The following OPA1 variants were observed in gnomAD, a reference collection of about 807,000 sequenced individuals.
OPA1 encodes the protein dynamin-like GTPase OPA1, mitochondrial.
A neutral mutation model predicts 152.9 loss-of-function variants in OPA1; 59 were observed. The observed-to-expected ratio is 0.39, with a 90% confidence interval of 0.31 to 0.48. The LOEUF is 0.48. Ranked by LOEUF, OPA1 falls within the 20% of genes least tolerant of loss-of-function variation. The probability of loss-of-function intolerance (pLI) is 0.96; values close to 1 mark genes in which losing one functional copy is unlikely to be tolerated. For missense variants in OPA1, 1,008 were observed against 1,216.8 expected (o/e 0.83, Z 2.55); for synonymous variants, 400 against 389.9 (o/e 1.03, Z -0.31).
intron 1 of OPA1, among the ~76,000 whole-genome samples, chr3:193,604,088 A>G (rs1726865096): frequency 6.6e-6 from 1 of 152,220 alleles, no homozygotes; most frequent in Non-Finnish European, 1.5e-5. Flanking sequence ...TTCATTTCCT[A>G]AAACCAGATC....
chr3:193,655,023 T>A lies in OPA1; in HGVS notation c.2174T>A (p.Val725Glu). 1 of 1,613,186 alleles carries A rather than the reference T, an allele frequency of 6.2e-7. No individual in the cohort carries two copies. The highest frequency in any genetic ancestry group is 8.5e-7 in the Non-Finnish European group (1 of 1,179,278). Residue 725 changes from valine (V) to glutamate (E), a missense_variant, in exon 22 of 31, where the codon GTA becomes GAA. This residue lies in a region of OPA1 where 229 missense variants were observed against 269.0 expected (regional missense o/e 0.85). Coordinates refer to ENST00000361510, the MANE Select transcript of OPA1 (RefSeq NM_130837.3). ...GATAAACAACTTCCTAATAAAGCAG[T>A]AGAGGTTAGGATATAATTTAATTAA... ...WTDKQLPNKAVEVAWETLQEE... is the reference protein window; with the variant it reads ...WTDKQLPNKAEEVAWETLQEE...
At chr3:193,681,225 A>C (rs969988288) in intron 29 of OPA1, among the ~76,000 whole-genome samples, 9 of 152,220 alleles carry the variant, frequency 5.9e-5, no homozygotes, top group Admixed American at 6.5e-5. Context: ...GGCCCTGCAG[A>C]ATATTCTTAA....
chr3:193,662,229 A>T (rs1201078715), intron 25 of OPA1, among the ~76,000 whole-genome samples: 1 of 152,204 alleles, frequency 6.6e-6, no homozygotes, highest in African/African-American at 2.4e-5. Flanking sequence ...GAGATTATGA[A>T]TAATTACAGA....
rs541895453 is a variant in OPA1 at position 193,629,318 on chromosome 3, A to G, written c.790-2294A>G. On this transcript the variant is annotated intron_variant, in intron 7 of 30. Transcript: ENST00000361510. ...GTGTGAGTTATTCATTGTACCAGAAAGGCAAATGATACATTTTATCCTAAA... is the reference window on the plus strand; with the variant it reads ...GTGTGAGTTATTCATTGTACCAGAAGGGCAAATGATACATTTTATCCTAAA... 2.0e-4 allele frequency among the ~76,000 whole-genome samples: 31 copies of G among 152,344 alleles called. No individual in the cohort carries two copies. In the South Asian group the frequency reaches 4.3e-3, roughly 21 times the overall value.
rs186934592 is a variant in OPA1, at chr3:193,650,064, A to G, written c.2012+1193A>G. 2.4e-3 allele frequency among the ~76,000 whole-genome samples: 359 copies of G among 152,344 alleles called. 1 individual carries two copies. The highest frequency in any genetic ancestry group is 4.2e-3 in the Non-Finnish European group (288 of 68,034). On this transcript the variant is annotated intron_variant, in intron 21 of 30. Transcript: ENST00000361510. ...TATGGGGAGAAAATGTGGTCCTTCT[A>G]TAAATTAATTTTTGGTATCATCAAA...
At chr3:193,618,980 T>C (rs935376325) in intron 6 of OPA1, 44 bp downstream of exon 6, 7 of 1,445,298 alleles carry the variant, frequency 4.8e-6, no homozygotes, top group Non-Finnish European at 6.8e-6. Context: ...TCTTGAAAGA[T>C]TTTTTAAAGT....
chr3:193,594,633 C>T (rs905720651), intron 1 of OPA1, among the ~76,000 whole-genome samples: 1 of 152,164 alleles, frequency 6.6e-6, no homozygotes, highest in South Asian at 2.1e-4. Context: ...TGTGATCCAC[C>T]CTCCTCGACT....
At chr3:193,594,976 G>A (rs1485401814) in intron 1 of OPA1, among the ~76,000 whole-genome samples, 2 of 152,180 alleles carry the variant, frequency 1.3e-5, no homozygotes, top group African/African-American at 2.4e-5. Context: ...TGTATAAGAA[G>A]AACTACAAAG....
chr3:193,599,248 GA>G (rs1045347676), intron 1 of OPA1, among the ~76,000 whole-genome samples: 15 of 151,788 alleles, frequency 9.9e-5, no homozygotes, highest in African/African-American at 3.6e-4. Flanking sequence ...CATTGCCTAC[GA>G]AAAAAAGTTA....
Position 193,637,192 on chromosome 3 carries a change from C to G in OPA1, c.949-3C>G. 6.4e-7 allele frequency: 1 copy of G among 1,551,500 alleles called. No individual in the cohort carries two copies. Among genetic ancestry groups the G allele is most frequent in the Non-Finnish European group, 8.8e-7 (1 of 1,135,196 alleles). ...ATATTATAACTTTTTAAAATTTTTA[C>G]AGAAATCTTTGATTGACATGTATTC... is the stretch of plus-strand genomic sequence containing the variant. On this transcript the variant is annotated splice_polypyrimidine_tract_variant and splice_region_variant and intron_variant, in intron 9 of 30. Transcript: ENST00000361510.
chr3:193,646,845 C>T (rs1235774640), intron 18 of OPA1, among the ~76,000 whole-genome samples: 1 of 152,078 alleles, frequency 6.6e-6, no homozygotes, highest in Non-Finnish European at 1.5e-5. Context: ...AAATACAGTT[C>T]CTCAGTTACA....
intron 1 of OPA1, among the ~76,000 whole-genome samples, chr3:193,600,729 A>G (rs188646977): frequency 2.0e-5 from 3 of 152,308 alleles, no homozygotes; most frequent in South Asian, 2.1e-4. Context: ...ACAAGTCATA[A>G]TAACTTGAAA....
chr3:193,653,691 CTG>C (rs1560389880), intron 21 of OPA1, among the ~76,000 whole-genome samples: 1 of 152,122 alleles, frequency 6.6e-6, no homozygotes, highest in Non-Finnish European at 1.5e-5. Context: ...TATAACATCT[CTG>C]TGCTGTGATC....
chr3:193,685,603 C>T (rs1168833084), intron 29 of OPA1, among the ~76,000 whole-genome samples: 2 of 151,918 alleles, frequency 1.3e-5, no homozygotes, highest in African/African-American at 4.8e-5. Flanking sequence ...GAGAATTTAC[C>T]CAAGCAGTCC....
intron 1 of OPA1, among the ~76,000 whole-genome samples, chr3:193,600,973 A>C (rs570144390): frequency 6.6e-6 from 1 of 152,216 alleles, no homozygotes; most frequent in Non-Finnish European, 1.5e-5. Flanking sequence ...GGATTAGTAC[A>C]AAATTCAGTT....
At position 193,662,945 on chromosome 3, in the gene OPA1, G is replaced by A. The variant is rs765208285; in HGVS notation, c.2644G>A (p.Glu882Lys). The change falls in exon 26 of 31, where the codon GAA (glutamate) becomes AAA (lysine). Residue 882 changes from glutamate (E) to lysine (K), a missense_variant. Glu to Lys is a moderately conservative substitution (Grantham distance 56, BLOSUM62 1). Around this residue, in one of 7 missense-constraint regions of OPA1, gnomAD observed 137 missense variants for 171.0 expected, o/e 0.80. Transcript: ENST00000361510. The part of the protein sequence containing the change: ...VRKNLESRGV[E>K]VDPSLIKDTW... ...GAAGAACCTTGAATCCCGAGGAGTA[G>A]AAGTAGATCCAAGCTTGGTAATAAA... The A allele has an allele frequency of 2.5e-6, 4 of 1,613,632 alleles. No homozygotes were observed. The highest frequency in any genetic ancestry group is 3.4e-6 in the Non-Finnish European group (4 of 1,179,612).
At chr3:193,679,524 C>A (rs1052329487) in intron 29 of OPA1, among the ~76,000 whole-genome samples, 5 of 152,130 alleles carry the variant, frequency 3.3e-5, no homozygotes, top group Non-Finnish European at 7.4e-5. Context: ...CGTTCATTGA[C>A]ATAAATGGTT....
At chr3:193,618,795 C>A in intron 5 of OPA1, 74 bp from the exon 6 acceptor site, 1 of 1,163,704 alleles carries the variant, frequency 8.6e-7, no homozygotes, top group Non-Finnish European at 1.3e-6. Flanking sequence ...TTCATTGACT[C>A]GATGTAATTT....
At chr3:193,676,780 A>G (rs1260590917) in intron 29 of OPA1, among the ~76,000 whole-genome samples, 1 of 152,140 alleles carries the variant, frequency 6.6e-6, no homozygotes, top group African/African-American at 2.4e-5. Context: ...GGAGATCCAG[A>G]CCATCCTGGC....
Sources: gnomAD v4.1 joint callset for allele counts (sites outside exome capture counted in the v4.1 genomes callset) on GRCh38, gnomAD v4.1.1 for gene constraint, gnomAD v4.1.1 regional missense constraint, MANE v1.5 for transcripts, NCBI Gene and HGNC (gene_info 2026-07-23, HGNC 2026-07-21) for gene names.